The following TRAPPC11 variants were observed in gnomAD, a reference collection of about 807,000 sequenced individuals.
TRAPPC11 encodes the protein foie gras homolog.
A neutral mutation model predicts 151.2 loss-of-function variants in TRAPPC11; 104 were observed. The ratio of observed to expected loss-of-function variants is 0.69; its 90% CI spans 0.59 to 0.81. The LOEUF is 0.81. Ranked by LOEUF, TRAPPC11 falls within the 30% of genes least tolerant of loss-of-function variation. The pLI, the probability that TRAPPC11 is intolerant of heterozygous loss-of-function variation, is 0.00. For missense variants in TRAPPC11, 1,230 were observed against 1,349.6 expected (o/e 0.91, Z 1.39); for synonymous variants, 456 against 472.3 (o/e 0.97, Z 0.45).
rs146728707 is a variant in TRAPPC11, at chr4:183,679,974, A to G, written c.966-146A>G. 3.3e-3 allele frequency: 2,172 copies of G among 661,142 alleles called. 13 individuals carry two copies. The highest frequency in any genetic ancestry group is 4.3e-3 in the Non-Finnish European group (1,726 of 397,948). The allele number at this position is 661,142 out of a possible 1,614,324, so 41.0% of individuals were successfully genotyped here. On this transcript the variant is annotated intron_variant, in intron 9 of 29. Transcript: ENST00000334690. ...ACAGTTAGTGTGTATTAATATTTAC[A>G]AAGAAATTAGAACAAATATTAACTG...
At chr4:183,668,724 A>T (rs1735004465) in intron 5 of TRAPPC11, among the ~76,000 whole-genome samples, 1 of 152,240 alleles carries the variant, frequency 6.6e-6, no homozygotes, top group Non-Finnish European at 1.5e-5. Flanking sequence ...TATAAAGGGC[A>T]GATTACCTGG....
At chr4:183,673,948 T>C (rs1253912007) in intron 5 of TRAPPC11, among the ~76,000 whole-genome samples, 1 of 152,218 alleles carries the variant, frequency 6.6e-6, no homozygotes, top group Admixed American at 6.5e-5. Context: ...GTTTTCACCT[T>C]ATTTGCCAGT....
At position 183,659,377 on chromosome 4, in the gene TRAPPC11, G is replaced by C. The variant is rs1169263764; in HGVS notation, c.-92G>C. On this transcript the variant is annotated 5_prime_UTR_variant, in exon 1 of 30. Coordinates refer to ENST00000334690, the MANE Select transcript of TRAPPC11 (RefSeq NM_021942.6). ...CCACGGCGTTCTGTGACATCCCCCC[G>C]CCTCCCCTCGTCTTCTCCCGGCTGG... 1 of 169,532 alleles carries C rather than the reference G, an allele frequency of 5.9e-6. No homozygotes were observed. Among genetic ancestry groups the C allele is most frequent in the African/African-American group, 2.4e-5 (1 of 42,136 alleles). The allele number at this position is 169,532 out of a possible 1,614,324, so 10.5% of individuals were successfully genotyped here.
In TRAPPC11 at chr4:183,679,301, CT is replaced by C; in HGVS notation, c.832-48del. Reference sequence around the variant, plus strand: ...CAAAATAGTTTTTAAATGAATATGTCTTTTGACTTTCTTTTTTTCCTTTATT... The same window carrying C: ...CAAAATAGTTTTTAAATGAATATGTCTTTGACTTTCTTTTTTTCCTTTATT... On this transcript the variant is annotated intron_variant, in intron 8 of 29. Transcript: ENST00000334690. 2 of 1,479,324 alleles carry C rather than the reference CT, an allele frequency of 1.4e-6. 1 individual carries two copies. Among genetic ancestry groups the C allele is most frequent in the South Asian group, 2.8e-5 (2 of 70,478 alleles). 91.6% of individuals were successfully genotyped at this position (1,479,324 alleles called of 1,614,324 possible). A position where few individuals can be genotyped will look rare whatever the true frequency, so the allele number is the denominator to read the frequency against.
At chr4:183,685,427 C>T (rs376676740) in intron 17 of TRAPPC11, 24 bp downstream of exon 17, 2 of 1,596,032 alleles carry the variant, frequency 1.3e-6, no homozygotes, top group African/African-American at 2.7e-5. Context: ...ATCTACAGTA[C>T]TATTTCAGAG....
intron 1 of TRAPPC11, among the ~76,000 whole-genome samples, chr4:183,661,361 CTTTTTTTTTTTTT>C (rs139201416): frequency 1.3e-5 from 1 of 79,392 alleles, no homozygotes; most frequent in African/African-American, 5.1e-5. Context: ...TGTAGATTAC[CTTTTTTTTTTTTT>C]TTTTTTTTTT....
rs1439162221 is a variant in TRAPPC11 at position 183,713,581 on chromosome 4, C to G, written c.*937C>G. 1.3e-5 allele frequency: 2 copies of G among 152,608 alleles called. No homozygotes were observed. The highest frequency in any genetic ancestry group is 4.8e-5 in the African/African-American group (2 of 41,434). The allele number at this position is 152,608 out of a possible 1,614,324, so 9.5% of individuals were successfully genotyped here. On this transcript the variant is annotated 3_prime_UTR_variant, in exon 30 of 30. Coordinates refer to ENST00000334690, the MANE Select transcript of TRAPPC11 (RefSeq NM_021942.6). ...AAATAGTGATGTAAATAAACATGTT[C>G]TCTTTCAAGTATGCTTGTCTGTCTC...
At chr4:183,681,336 G>A (rs1735679865) in intron 10 of TRAPPC11, among the ~76,000 whole-genome samples, 2 of 151,848 alleles carry the variant, frequency 1.3e-5, no homozygotes, top group Non-Finnish European at 2.9e-5. Flanking sequence ...TTTTTGCCAT[G>A]CTATTTGTAT....
chr4:183,702,062 G>C (rs1014254105), intron 26 of TRAPPC11, among the ~76,000 whole-genome samples: 1 of 152,140 alleles, frequency 6.6e-6, no homozygotes, highest in African/African-American at 2.4e-5. Flanking sequence ...AATGTTCATG[G>C]GCTGGGCGCA....
intron 5 of TRAPPC11, among the ~76,000 whole-genome samples, chr4:183,674,420 C>CAAAA (rs34161415): frequency 2.5e-5 from 1 of 39,996 alleles, no homozygotes; most frequent in Non-Finnish European, 5.4e-5. Context: ...GACCCTGTCT[C>CAAAA]AAAAAAAAAA....
chr4:183,692,598 G>T (rs1736308061), intron 19 of TRAPPC11, among the ~76,000 whole-genome samples: 1 of 152,122 alleles, frequency 6.6e-6, no homozygotes, highest in Non-Finnish European at 1.5e-5. Context: ...CGGAAATGAG[G>T]TTATAATGTA....
At chr4:183,686,459 AAGTT>A (rs1347816151) in intron 17 of TRAPPC11, among the ~76,000 whole-genome samples, 155 bp from the exon 18 acceptor site, 1 of 152,220 alleles carries the variant, frequency 6.6e-6, no homozygotes, top group Non-Finnish European at 1.5e-5. Context: ...TTATAATAAA[AAGTT>A]AGCTCATTTG....
At chr4:183,693,477 A>G in intron 20 of TRAPPC11, 112 bp from the exon 21 acceptor site, 5 of 1,192,810 alleles carry the variant, frequency 4.2e-6, no homozygotes, top group Non-Finnish European at 5.8e-6. Flanking sequence ...AAATGCTGGG[A>G]TTACAGGCCT....
intron 26 of TRAPPC11, among the ~76,000 whole-genome samples, chr4:183,703,278 G>C (rs1736888302): frequency 6.6e-6 from 1 of 152,148 alleles, no homozygotes; most frequent in South Asian, 2.1e-4. Context: ...TTATTTATGT[G>C]AGTTATATGC....
chr4:183,684,552 A>T, intron 14 of TRAPPC11, 144 bp from the exon 15 acceptor site: 1 of 1,029,658 alleles, frequency 9.7e-7, no homozygotes, highest in Non-Finnish European at 1.4e-6. Flanking sequence ...TCTCACGTTT[A>T]GCTAAATATG....
chr4:183,665,296 G>A (rs199814711), intron 2 of TRAPPC11, among the ~76,000 whole-genome samples: 69 of 151,854 alleles, frequency 4.5e-4, no homozygotes, highest in Non-Finnish European at 8.4e-4. Flanking sequence ...GGGTTTCACC[G>A]TGTTAGCCAG....
At chr4:183,668,831 G>A (rs1247080671) in intron 5 of TRAPPC11, among the ~76,000 whole-genome samples, 1 of 152,154 alleles carries the variant, frequency 6.6e-6, no homozygotes, top group Admixed American at 6.5e-5. Flanking sequence ...TTTTATGCTA[G>A]GATGTATTTA....
At chr4:183,706,566 C>A (rs760859253) in intron 27 of TRAPPC11, among the ~76,000 whole-genome samples, 5 of 151,884 alleles carry the variant, frequency 3.3e-5, no homozygotes, top group Non-Finnish European at 1.5e-5. Context: ...TAATTCAGTT[C>A]CTGATAGCCA....
In TRAPPC11 at chr4:183,708,447, T is replaced by C; in HGVS notation, c.3230T>C (p.Leu1077Pro). 2 of 1,614,074 alleles carry C rather than the reference T, an allele frequency of 1.2e-6. No individual in the cohort carries two copies. The highest frequency in any genetic ancestry group is 8.5e-7 in the Non-Finnish European group (1 of 1,179,988). The part of the protein sequence containing the change: ...RILPGTEQEM[L>P]YNFYPLMAGY... ...CTCCCTGGCACGGAGCAGGAAATGC[T>C]ATATAATTTCTATCCTCTGATGGCT... Residue 1077 changes from leucine (L) to proline (P), a missense_variant, in exon 29 of 30, where the codon CTA becomes CCA. Transcript: ENST00000334690.
Sources: allele counts gnomAD v4.1 joint callset (sites outside exome capture counted in the v4.1 genomes callset), GRCh38; gene constraint gnomAD v4.1.1; transcripts MANE v1.5; gene names NCBI Gene and HGNC (gene_info 2026-07-23, HGNC 2026-07-21).